GORASP1: variants seen among roughly 807,000 people sequenced by gnomAD.
GORASP1 encodes the protein Golgi reassembly-stacking protein 1.
Under a neutral mutation model 37.7 loss-of-function variants are expected in GORASP1, and 31 were observed. The ratio of observed to expected loss-of-function variants is 0.82; its 90% CI spans 0.62 to 1.11. The LOEUF is 1.11. Among genes scored for constraint, GORASP1 ranks in the 50% least tolerant of loss-of-function variants. The pLI is 0.00. For missense variants in GORASP1, 476 were observed against 560.7 expected, an observed-to-expected ratio of 0.85 and a Z score of 1.53; for synonymous variants, 204 against 224.8, an observed-to-expected ratio of 0.91 and a Z score of 0.83.
intron 7 of GORASP1, 133 bp from the exon 8 acceptor site, chr3:39,099,026 C>T: frequency 1.8e-6 from 2 of 1,139,486 alleles, no homozygotes; most frequent in Non-Finnish European, 1.3e-6. Flanking sequence ...TGGTGATACC[C>T]CTCACCCAAC....
intron 1 of GORASP1, 117 bp downstream of exon 1, chr3:39,107,362 G>A (rs2036258641): frequency 3.1e-6 from 2 of 649,306 alleles, no homozygotes; most frequent in South Asian, 9.1e-5. Context: ...CCGCCACCCA[G>A]GCGGAAACAC....
rs1294554562 is a variant in GORASP1 at position 39,100,454 on chromosome 3, G to A, written c.616C>T (p.Pro206Ser). ...GGTGGCTTCTTGTGGTAGCTGGGGG[G>A]CTGAGTTGGGATCCGGTGTAGATAC... ...YGYLHRIPTQ[P>S]PSYHKKPPGT... The change falls in exon 6 of 9, where the codon CCC becomes TCC. Residue 206 changes from proline (P) to serine (S), a missense_variant. Transcript: ENST00000319283. This position sits in a 1 kb window ranked among gnomAD's most constrained non-coding sequence, Gnocchi z 4.6. 1 of 1,606,662 alleles carries A rather than the reference G, an allele frequency of 6.2e-7. No individual in the cohort carries two copies. Among genetic ancestry groups the A allele is most frequent in the Non-Finnish European group, 8.5e-7 (1 of 1,176,278 alleles).
At chr3:39,101,152 G>A in intron 3 of GORASP1, 50 bp from the exon 4 acceptor site, 1 of 1,566,154 alleles carries the variant, frequency 6.4e-7, no homozygotes, top group Non-Finnish European at 8.8e-7. Flanking sequence ...GGTGGGGTTG[G>A]GGGATGGGAA....
rs752216855 is a variant in GORASP1, at chr3:39,103,247, C to T, written c.144+226G>A. 1 of 589,986 alleles carries T rather than the reference C, an allele frequency of 1.7e-6. No individual in the cohort carries two copies. 36.5% of individuals were successfully genotyped at this position (589,986 alleles called of 1,614,324 possible). On this transcript the variant is annotated intron_variant, in intron 2 of 8. Coordinates refer to ENST00000319283, the MANE Select transcript of GORASP1 (RefSeq NM_031899.4). This position sits in a 1 kb window ranked among gnomAD's most constrained non-coding sequence, Gnocchi z 5.2. The stretch of plus-strand genomic sequence containing the variant: ...CAGGCCCCTTGGGCCTTGTTGCCAC[C>T]TCCAAGAGGCCATATGTCCTCTGTC...
In GORASP1 at chr3:39,102,336, G is replaced by A. The variant is rs1416933417; in HGVS notation, c.348+342C>T. On this transcript the variant is annotated intron_variant, in intron 3 of 8. Coordinates refer to ENST00000319283, the MANE Select transcript of GORASP1 (RefSeq NM_031899.4). The surrounding 1 kb of genome is among the most constrained non-coding windows in gnomAD (Gnocchi z 5.0). ...CGTTGTCATGCAACACACACACGGA[G>A]AGACACAGAGAATAATAAAAGCAGC... 1 of 428,126 alleles carries A rather than the reference G, an allele frequency of 2.3e-6. No homozygotes were observed. Among genetic ancestry groups the A allele is most frequent in the African/African-American group, 2.0e-5 (1 of 50,270 alleles). 26.5% of individuals were successfully genotyped at this position (428,126 alleles called of 1,614,324 possible). A position where few individuals can be genotyped will look rare whatever the true frequency, so the allele number is the denominator to read the frequency against.
At position 39,100,770 on chromosome 3, in the gene GORASP1, G is replaced by T; in HGVS notation, c.543C>A (p.Asn181Lys). The change falls in exon 5 of 9, where the codon AAC becomes AAA. Residue 181 changes from asparagine (N) to lysine (K), a missense_variant. By Grantham distance (94) the Asn-to-Lys change is moderately conservative. Coordinates refer to ENST00000319283, the MANE Select transcript of GORASP1 (RefSeq NM_031899.4). The surrounding 1 kb of genome is among the most constrained non-coding windows in gnomAD (Gnocchi z 4.6). ...DSCREVTVTPNAAWGGEGSLG... is the reference protein window; with the variant it reads ...DSCREVTVTPKAAWGGEGSLG... ...ACCTGCCCTCTCCACCCCAGGCTGC[G>T]TTGGGAGTTACAGTCACCTCCCGGC... 6.2e-7 allele frequency: 1 copy of T among 1,613,998 alleles called. No homozygotes were observed. Among genetic ancestry groups the T allele is most frequent in the Non-Finnish European group, 8.5e-7 (1 of 1,179,980 alleles).
rs903530493 is a variant in GORASP1, at chr3:39,096,904, A to C, written c.*1332T>G. On this transcript the variant is annotated 3_prime_UTR_variant, in exon 9 of 9. Transcript: ENST00000319283. ...TACAGAGTTAAGGGAAGCTGGCCCC[A>C]GAACAGTCCTGTGGCGATTCTGTTC... 1.3e-5 allele frequency: 2 copies of C among 152,284 alleles called. No homozygotes were observed. The highest frequency in any genetic ancestry group is 4.8e-5 in the African/African-American group (2 of 41,448). The allele number at this position is 152,284 out of a possible 1,614,324, so 9.4% of individuals were successfully genotyped here. A position where few individuals can be genotyped will look rare whatever the true frequency, so the allele number is the denominator to read the frequency against.
At position 39,099,379 on chromosome 3, in the gene GORASP1, G is replaced by C; in HGVS notation, c.890C>G (p.Pro297Arg). ...TGGGTCCATAACTCGCTGCACTGGA[G>C]GTGGGGGCTGAAGAGGAGTCTCCAT... The part of the protein sequence containing the change: ...HFMETPLQPP[P>R]PVQRVMDPGF... Residue 297 changes from proline (P) to arginine (R), a missense_variant, in exon 7 of 9, where the codon CCT (proline) becomes CGT (arginine). Coordinates refer to ENST00000319283, the MANE Select transcript of GORASP1 (RefSeq NM_031899.4). The C allele has an allele frequency of 6.2e-7, 1 of 1,613,684 alleles. No individual in the cohort carries two copies. Among genetic ancestry groups the C allele is most frequent in the African/African-American group, 1.3e-5 (1 of 75,038 alleles).
Position 39,098,102 on chromosome 3 carries a change from CCT to C in GORASP1, c.*132_*133del. On this transcript the variant is annotated 3_prime_UTR_variant, in exon 9 of 9. Coordinates refer to ENST00000319283, the MANE Select transcript of GORASP1 (RefSeq NM_031899.4). The surrounding 1 kb of genome is among the most constrained non-coding windows in gnomAD (Gnocchi z 4.7). ...TATCCTCCCACAAGGCCCATGGCCC[CCT>C]CTCACCACCCACTGAGGCCTCATGT... 9.4e-7 allele frequency: 1 copy of C among 1,066,224 alleles called. No individual in the cohort carries two copies. Among genetic ancestry groups the C allele is most frequent in the Non-Finnish European group, 1.4e-6 (1 of 737,962 alleles). 66.0% of individuals were successfully genotyped at this position (1,066,224 alleles called of 1,614,324 possible).
At position 39,099,371 on chromosome 3, in the gene GORASP1, G is replaced by A. The variant is rs2035551424; in HGVS notation, c.898C>T (p.Gln300Ter). 1.2e-6 allele frequency: 2 copies of A among 1,613,514 alleles called. No homozygotes were observed. The highest frequency in any genetic ancestry group is 1.7e-6 in the Non-Finnish European group (2 of 1,179,740). ...CCAGTACCTGGGTCCATAACTCGCT[G>A]CACTGGAGGTGGGGGCTGAAGAGGA... ...ETPLQPPPPV[Q>*]RVMDPGFLDV... The change falls in exon 7 of 9, where the codon CAG becomes TAG. Residue 300 changes from glutamine (Q) to a stop codon, truncating the protein, a stop_gained. Transcript: ENST00000319283. LOFTEE classifies it high-confidence loss of function.
chr3:39,102,576 C>T lies in GORASP1; in HGVS notation c.348+102G>A. On this transcript the variant is annotated intron_variant, in intron 3 of 8. Transcript: ENST00000319283. The surrounding 1 kb of genome is among the most constrained non-coding windows in gnomAD (Gnocchi z 5.0). ...CCTGGCCACTGCTCCAAGGCTCCCA[C>T]TCCACTCCTGCATGTACCCCCTCAC... 8.6e-7 allele frequency: 1 copy of T among 1,169,316 alleles called. No homozygotes were observed. Among genetic ancestry groups the T allele is most frequent in the Non-Finnish European group, 1.2e-6 (1 of 806,094 alleles). The allele number at this position is 1,169,316 out of a possible 1,614,324, so 72.4% of individuals were successfully genotyped here.
Position 39,098,052 on chromosome 3 carries a change from G to C in GORASP1, c.*184C>G. 1.5e-6 allele frequency: 1 copy of C among 663,630 alleles called. No individual in the cohort carries two copies. The highest frequency in any genetic ancestry group is 2.5e-6 in the Non-Finnish European group (1 of 393,440). The allele number at this position is 663,630 out of a possible 1,614,324, so 41.1% of individuals were successfully genotyped here. A position where few individuals can be genotyped will look rare whatever the true frequency, so the allele number is the denominator to read the frequency against. Reference sequence around the variant, plus strand: ...GTGACCAGAGCAGGACCAAGCACTGGACCTGAGGGTACACGGCCAAAAGAT... The same window carrying C: ...GTGACCAGAGCAGGACCAAGCACTGCACCTGAGGGTACACGGCCAAAAGAT... On this transcript the variant is annotated 3_prime_UTR_variant, in exon 9 of 9. Transcript: ENST00000319283. This position sits in a 1 kb window ranked among gnomAD's most constrained non-coding sequence, Gnocchi z 4.7.
At position 39,102,566 on chromosome 3, in the gene GORASP1, A is replaced by G. The variant is rs1359239265; in HGVS notation, c.348+112T>C. On this transcript the variant is annotated intron_variant, in intron 3 of 8. Coordinates refer to ENST00000319283, the MANE Select transcript of GORASP1 (RefSeq NM_031899.4). The surrounding 1 kb of genome is among the most constrained non-coding windows in gnomAD (Gnocchi z 5.0). ...CTCAGTCTTCCCTGGCCACTGCTCC[A>G]AGGCTCCCACTCCACTCCTGCATGT... The G allele has an allele frequency of 9.4e-7, 1 of 1,068,998 alleles. No individual in the cohort carries two copies. Among genetic ancestry groups the G allele is most frequent in the Non-Finnish European group, 1.4e-6 (1 of 720,364 alleles). The allele number at this position is 1,068,998 out of a possible 1,614,324, so 66.2% of individuals were successfully genotyped here.
At position 39,099,449 on chromosome 3, in the gene GORASP1, T is replaced by A; in HGVS notation, c.820A>T (p.Ser274Cys). The A allele has an allele frequency of 6.2e-7, 1 of 1,611,632 alleles. No homozygotes were observed. The highest frequency in any genetic ancestry group is 8.5e-7 in the Non-Finnish European group (1 of 1,179,074). ...SMEDPLPGPG[S>C]PSHSAPDPDG... ...GGGTCTGGAGCACTGTGGCTGGGAC[T>A]CCCAGGCCCAGGAAGGGGATCCTCC... The change falls in exon 7 of 9, where the codon AGT becomes TGT. Residue 274 changes from serine to cysteine, a missense_variant. Transcript: ENST00000319283.
Position 39,098,444 on chromosome 3 carries a change from T to C in GORASP1, c.1115A>G (p.Asp372Gly), listed in dbSNP as rs1193926675. The C allele has an allele frequency of 6.2e-7, 1 of 1,613,996 alleles. No homozygotes were observed. Among genetic ancestry groups the C allele is most frequent in the Non-Finnish European group, 8.5e-7 (1 of 1,180,014 alleles). The change falls in exon 9 of 9, where the codon GAC becomes GGC. Residue 372 changes from aspartate to glycine, a missense_variant. By Grantham distance (94) the Asp-to-Gly change is moderately conservative. Coordinates refer to ENST00000319283, the MANE Select transcript of GORASP1 (RefSeq NM_031899.4). The surrounding 1 kb of genome is among the most constrained non-coding windows in gnomAD (Gnocchi z 4.7). ...CGCCTGGGCTTGGGCACCTGGGCTG[T>C]CCAGGAAGGAGACCTCAAACTCTGA... is the stretch of plus-strand genomic sequence containing the variant. ...SGSEFEVSFL[D>G]SPGAQAQADH...
Position 39,102,244 on chromosome 3 carries a change from CA to C in GORASP1, c.348+433del, listed in dbSNP as rs1407075733. On this transcript the variant is annotated intron_variant, in intron 3 of 8. Transcript: ENST00000319283. This position sits in a 1 kb window ranked among gnomAD's most constrained non-coding sequence, Gnocchi z 5.0. ...TAAACATTCAGGCATAGAACAGGTA[CA>C]GTAAAAATATGGTATTATAATCTTA... Among the ~76,000 whole-genome samples the C allele has an allele frequency of 6.6e-6, 1 of 152,060 alleles. No homozygotes were observed. Among genetic ancestry groups the C allele is most frequent in the East Asian group, 1.9e-4 (1 of 5,190 alleles).
rs1440672522 is a variant in GORASP1 at position 39,098,570 on chromosome 3, TC to T, written c.1070-82del. 6.5e-7 allele frequency: 1 copy of T among 1,530,914 alleles called. No individual in the cohort carries two copies. Among genetic ancestry groups the T allele is most frequent in the Middle Eastern group, 1.8e-4 (1 of 5,468 alleles). The allele number at this position is 1,530,914 out of a possible 1,614,324, so 94.8% of individuals were successfully genotyped here. ...TAGGGCCAGTAACCCCACCGACCGC[TC>T]CCCATTGCCACTCCAGGTTTGATGG... On this transcript the variant is annotated intron_variant, in intron 8 of 8. Coordinates refer to ENST00000319283, the MANE Select transcript of GORASP1 (RefSeq NM_031899.4). The surrounding 1 kb of genome is among the most constrained non-coding windows in gnomAD (Gnocchi z 4.7).
intron 3 of GORASP1, chr3:39,101,580 G>A (rs2035721304): frequency 4.4e-6 from 2 of 456,874 alleles, no homozygotes; most frequent in Non-Finnish European, 4.4e-6. Flanking sequence ...CCTAGGGGTT[G>A]GAGGTGAGGG....
chr3:39,106,908 A>C, intron 1 of GORASP1: 1 of 325,088 alleles, frequency 3.1e-6, no homozygotes, highest in Non-Finnish European at 6.4e-6. Flanking sequence ...AGGATTCTGC[A>C]GCACTCTCCC....
Sources: allele counts gnomAD v4.1 joint callset (sites outside exome capture counted in the v4.1 genomes callset), GRCh38; gene constraint gnomAD v4.1.1; non-coding constraint Gnocchi (gnomAD v3.1); transcripts MANE v1.5; gene names NCBI Gene and HGNC (gene_info 2026-07-23, HGNC 2026-07-21).